The following EFR3B variants were observed in gnomAD, a reference collection of about 807,000 sequenced individuals.
EFR3B encodes the protein protein EFR3 homolog B.
EFR3B carries 64 observed loss-of-function variants against 104.7 expected under a neutral mutation model. The ratio of observed to expected loss-of-function variants is 0.61; its 90% CI spans 0.50 to 0.75. The LOEUF is 0.75. Ranked by LOEUF, EFR3B falls within the 30% of genes least tolerant of loss-of-function variation. EFR3B has a pLI of 0.00. For missense variants in EFR3B, 750 were observed against 1,078.5 expected (o/e 0.70, Z 4.27); for synonymous variants, 385 against 417.9 (o/e 0.92, Z 0.96).
intron 1 of EFR3B, among the ~76,000 whole-genome samples, chr2:25,052,129 G>A (rs2149164443): frequency 6.6e-6 from 1 of 152,114 alleles, no homozygotes; most frequent in Non-Finnish European, 1.5e-5. Context: ...CCGGGAGGCG[G>A]AGGTTGCAGT....
chr2:25,123,047 A>T (rs1176716312), intron 5 of EFR3B, among the ~76,000 whole-genome samples: 1 of 152,194 alleles, frequency 6.6e-6, no homozygotes, highest in Non-Finnish European at 1.5e-5. Flanking sequence ...TGGACATAGA[A>T]GCAAAATCTC....
At chr2:25,120,266 G>A (rs905491024) in intron 4 of EFR3B, among the ~76,000 whole-genome samples, 4 of 151,758 alleles carry the variant, frequency 2.6e-5, no homozygotes, top group Admixed American at 1.3e-4. Flanking sequence ...CGGGAGAATC[G>A]CTTGAACCCG....
At chr2:25,100,647 C>T (rs574782315) in intron 3 of EFR3B, among the ~76,000 whole-genome samples, 9 of 152,210 alleles carry the variant, frequency 5.9e-5, no homozygotes, top group Admixed American at 2.0e-4. Flanking sequence ...CACCTGCCAC[C>T]GCGCCTGGCT....
At chr2:25,149,793 C>T in intron 20 of EFR3B, 51 bp downstream of exon 20, 1 of 1,507,228 alleles carries the variant, frequency 6.6e-7, no homozygotes, top group Middle Eastern at 1.7e-4. Context: ...GGGTGGGGTC[C>T]TTGGGCCTGT....
At chr2:25,109,207 C>T (rs1053725344) in intron 4 of EFR3B, among the ~76,000 whole-genome samples, 10 of 149,540 alleles carry the variant, frequency 6.7e-5, no homozygotes, top group African/African-American at 2.5e-4. Context: ...GGGCAAAGAA[C>T]TCTCATAGAT....
chr2:25,124,277 A>AAT (rs71397470), intron 5 of EFR3B, among the ~76,000 whole-genome samples: 3 of 124,800 alleles, frequency 2.4e-5, no homozygotes, highest in Non-Finnish European at 5.1e-5. Context: ...TGTGCATGCA[A>AAT]GTGTGTGTGT....
At chr2:25,080,003 A>T in intron 1 of EFR3B, 1 of 984,644 alleles carries the variant, frequency 1.0e-6, no homozygotes, top group Non-Finnish European at 1.6e-6. Context: ...CCAAGTCGTC[A>T]CAAGCAAGAA....
chr2:25,126,772 G>C (rs1328333180), intron 5 of EFR3B, among the ~76,000 whole-genome samples: 1 of 152,052 alleles, frequency 6.6e-6, no homozygotes, highest in Non-Finnish European at 1.5e-5. Context: ...TGGGGTTACA[G>C]GTGTGAGCCA....
At position 25,137,562 on chromosome 2, in the gene EFR3B, C is replaced by A. The variant is rs1318380155; in HGVS notation, c.1722+60C>A. 5.2e-6 allele frequency: 8 copies of A among 1,546,124 alleles called. No homozygotes were observed. Among genetic ancestry groups the A allele is most frequent in the Non-Finnish European group, 7.0e-6 (8 of 1,143,342 alleles). ...GATCAGGGGAGGGACTTGTTTTGGG[C>A]AAGCCCTGATAAGAGTATTGACTAG... On this transcript the variant is annotated intron_variant, in intron 15 of 22. Coordinates refer to ENST00000403714, the MANE Select transcript of EFR3B (RefSeq NM_014971.2). The surrounding 1 kb of genome is among the most constrained non-coding windows in gnomAD (Gnocchi z 4.7).
At position 25,131,943 on chromosome 2, in the gene EFR3B, G is replaced by T; in HGVS notation, c.1147+32G>T. The T allele has an allele frequency of 7.0e-7, 1 of 1,435,108 alleles. No individual in the cohort carries two copies. The highest frequency in any genetic ancestry group is 1.5e-5 in the South Asian group (1 of 68,614). 88.9% of individuals were successfully genotyped at this position (1,435,108 alleles called of 1,614,324 possible). ...CGCGGGGCCGGGCCGGGGCGGGGCG[G>T]GGCCGAGGCGCGGAGTGGGGAGGGG... On this transcript the variant is annotated intron_variant, in intron 10 of 22. Transcript: ENST00000403714. This position sits in a 1 kb window ranked among gnomAD's most constrained non-coding sequence, Gnocchi z 7.6.
chr2:25,065,000 A>G (rs554447656), intron 1 of EFR3B, among the ~76,000 whole-genome samples: 58 of 152,244 alleles, frequency 3.8e-4, no homozygotes, highest in African/African-American at 1.2e-3. Flanking sequence ...GTTCACCCCT[A>G]GCCCAGGGTC....
Position 25,137,462 on chromosome 2 carries a change from A to AGGT in EFR3B, c.1691_1693dup (p.Val564dup). The AGGT allele has an allele frequency of 6.4e-7, 1 of 1,551,598 alleles. No homozygotes were observed. The highest frequency in any genetic ancestry group is 8.7e-7 in the Non-Finnish European group (1 of 1,146,964). On this transcript the variant is annotated inframe_insertion, in exon 15 of 23. Coordinates refer to ENST00000403714, the MANE Select transcript of EFR3B (RefSeq NM_014971.2). The surrounding 1 kb of genome is among the most constrained non-coding windows in gnomAD (Gnocchi z 4.7). ...ATCAGCATCGAGCTGGCTAACGAGG[A>AGGT]GGTGGTGGTGGACCTCATCCGTCTG...
intron 1 of EFR3B, among the ~76,000 whole-genome samples, chr2:25,059,564 A>AG (rs772481724): frequency 1.6e-4 from 6 of 38,036 alleles, no homozygotes; most frequent in African/African-American, 3.3e-4. Context: ...AGAGGTTACC[A>AG]GGGACTGCGG....
intron 1 of EFR3B, among the ~76,000 whole-genome samples, chr2:25,090,152 T>C (rs555740033): frequency 6.8e-4 from 103 of 152,354 alleles, no homozygotes; most frequent in African/African-American, 2.4e-3. Flanking sequence ...GCATTTCAAG[T>C]GGTGTGCTTG....
intron 1 of EFR3B, among the ~76,000 whole-genome samples, chr2:25,089,988 A>C (rs969691462): frequency 6.6e-6 from 1 of 152,060 alleles, no homozygotes; most frequent in Admixed American, 6.5e-5. Flanking sequence ...TTCCTCCTCC[A>C]GTGGCACCCA....
At chr2:25,080,098 A>C (rs1229617109) in intron 1 of EFR3B, 1 of 966,964 alleles carries the variant, frequency 1.0e-6, no homozygotes, top group Non-Finnish European at 1.7e-6. Flanking sequence ...TTCAATTTCC[A>C]CATCTTTTAC....
chr2:25,042,359 C>T lies in EFR3B; in HGVS notation c.7+40C>T. 2 of 1,246,628 alleles carry T rather than the reference C, an allele frequency of 1.6e-6. No homozygotes were observed. Among genetic ancestry groups the T allele is most frequent in the South Asian group, 3.1e-5 (1 of 32,502 alleles). The allele number at this position is 1,246,628 out of a possible 1,614,324, so 77.2% of individuals were successfully genotyped here. A position where few individuals can be genotyped will look rare whatever the true frequency, so the allele number is the denominator to read the frequency against. On this transcript the variant is annotated intron_variant, in intron 1 of 22. Coordinates refer to ENST00000403714, the MANE Select transcript of EFR3B (RefSeq NM_014971.2). This position sits in a 1 kb window ranked among gnomAD's most constrained non-coding sequence, Gnocchi z 5.4. ...GCGCCCGGGCCCGGGCCCGCGGGGGCGACTCCGCAAACTTCCCCGGCGCGG... is the reference window on the plus strand; with the variant it reads ...GCGCCCGGGCCCGGGCCCGCGGGGGTGACTCCGCAAACTTCCCCGGCGCGG...
chr2:25,130,488 A>C lies in EFR3B; in HGVS notation c.771-64A>C, dbSNP rs758416567. 7.3e-5 allele frequency: 101 copies of C among 1,384,818 alleles called. No homozygotes were observed. The highest frequency in any genetic ancestry group is 9.2e-5 in the Non-Finnish European group (92 of 995,214). The allele number at this position is 1,384,818 out of a possible 1,614,324, so 85.8% of individuals were successfully genotyped here. A position where few individuals can be genotyped will look rare whatever the true frequency, so the allele number is the denominator to read the frequency against. On this transcript the variant is annotated intron_variant, in intron 7 of 22. Coordinates refer to ENST00000403714, the MANE Select transcript of EFR3B (RefSeq NM_014971.2). This position sits in a 1 kb window ranked among gnomAD's most constrained non-coding sequence, Gnocchi z 4.6. ...GAAGGTGTCCCTCTGCCTCCAAGCT[A>C]ATCTCTTCTCCCTAACACTGCCGGG...
chr2:25,075,670 G>A (rs1271911213), intron 1 of EFR3B, among the ~76,000 whole-genome samples: 1 of 152,164 alleles, frequency 6.6e-6, no homozygotes, highest in East Asian at 1.9e-4. Context: ...GGTATTTGCA[G>A]GCAGAGACCT....
Sources: allele counts gnomAD v4.1 joint callset (sites outside exome capture counted in the v4.1 genomes callset), GRCh38; gene constraint gnomAD v4.1.1; non-coding constraint Gnocchi (gnomAD v3.1); transcripts MANE v1.5; gene names NCBI Gene and HGNC (gene_info 2026-07-23, HGNC 2026-07-21).